MCM9: variants seen among roughly 807,000 people sequenced by gnomAD.
MCM9 encodes minichromosome maintenance 9 homologous recombination repair factor.
A neutral mutation model predicts 72.8 loss-of-function variants in MCM9; 55 were observed. The ratio of observed to expected loss-of-function variants is 0.76; its 90% CI spans 0.61 to 0.95. The LOEUF (loss-of-function observed/expected upper bound fraction) is 0.95. MCM9 is among the 40% of genes least tolerant of loss of function. The probability of loss-of-function intolerance (pLI) is 0.00; values close to 1 mark genes in which losing one functional copy is unlikely to be tolerated. For missense variants in MCM9, 1,279 were observed against 1,377.0 expected (o/e 0.93, Z 1.13); for synonymous variants, 480 against 503.4 (o/e 0.95, Z 0.62).
chr6:118,869,323 T>C (rs1015594741), intron 8 of MCM9, among the ~76,000 whole-genome samples: 2 of 152,070 alleles, frequency 1.3e-5, no homozygotes, highest in Non-Finnish European at 1.5e-5. Flanking sequence ...GATGAGTTGA[T>C]GGGTGCAGCA....
intron 9 of MCM9, among the ~76,000 whole-genome samples, chr6:118,834,019 C>T (rs574083803): frequency 6.6e-6 from 1 of 152,206 alleles, no homozygotes; most frequent in South Asian, 2.1e-4. Context: ...AATGTTATCC[C>T]TCCCCTAGCC....
chr6:118,903,969 T>G (rs1317226387), intron 8 of MCM9, among the ~76,000 whole-genome samples: 3 of 152,110 alleles, frequency 2.0e-5, no homozygotes, highest in African/African-American at 7.3e-5. Context: ...GAGGTATGAA[T>G]GGAGATATTG....
chr6:118,830,341 C>A (rs1774457146), intron 9 of MCM9, among the ~76,000 whole-genome samples: 1 of 152,122 alleles, frequency 6.6e-6, no homozygotes, highest in Non-Finnish European at 1.5e-5. Context: ...TACTTCATTC[C>A]CTGAGGCTGA....
intron 3 of MCM9, among the ~76,000 whole-genome samples, chr6:118,927,277 G>C (rs1233993946): frequency 6.6e-6 from 1 of 152,222 alleles, no homozygotes. Flanking sequence ...TGCCCAATGA[G>C]ATTACAGACT....
chr6:118,900,226 CACTT>C, intron 8 of MCM9, among the ~76,000 whole-genome samples: 1 of 152,258 alleles, frequency 6.6e-6, no homozygotes, highest in South Asian at 2.1e-4. Flanking sequence ...GAGCTGAAGC[CACTT>C]ACTTCTGAGC....
intron 8 of MCM9, among the ~76,000 whole-genome samples, chr6:118,869,838 G>A (rs1051506104): frequency 2.6e-5 from 4 of 152,110 alleles, no homozygotes; most frequent in Middle Eastern, 3.4e-3. Context: ...AACAAAAAAA[G>A]TCTAGGGTAG....
chr6:118,894,149 G>A (rs1779172363), intron 8 of MCM9: 1 of 1,243,754 alleles, frequency 8.0e-7, no homozygotes, highest in Non-Finnish European at 1.0e-6. Context: ...GAGGAGGAGG[G>A]TCAGAACTCG....
chr6:118,914,561 T>C lies in MCM9; in HGVS notation c.905-1141A>G, dbSNP rs1780791139. Among the ~76,000 whole-genome samples, 3 of 152,162 alleles carry C rather than the reference T, an allele frequency of 2.0e-5. No homozygotes were observed. In the South Asian group the frequency reaches 6.2e-4, roughly 32 times the overall value. On this transcript the variant is annotated intron_variant, in intron 6 of 13. Transcript: ENST00000619706. ...AGATTTAGTAAATCCAGGAAGTTCA[T>C]TACTTGCTGAAGGAATCCCTCCCTG...
intron 6 of MCM9, among the ~76,000 whole-genome samples, chr6:118,915,486 C>G (rs1780865787): frequency 1.3e-5 from 2 of 152,162 alleles, no homozygotes; most frequent in African/African-American, 2.4e-5. Flanking sequence ...ATCTAAGCAC[C>G]AGGGTCAAGG....
At chr6:118,900,620 A>G in intron 8 of MCM9, 1 of 632,194 alleles carries the variant, frequency 1.6e-6, no homozygotes, top group Non-Finnish European at 2.8e-6. Flanking sequence ...GAACTTTATA[A>G]GGAGCATTTC....
chr6:118,924,564 A>G (rs1781720313), intron 3 of MCM9, among the ~76,000 whole-genome samples: 1 of 152,206 alleles, frequency 6.6e-6, no homozygotes, highest in Non-Finnish European at 1.5e-5. Flanking sequence ...AAGAGATGGT[A>G]GCATGACGAC....
intron 8 of MCM9, among the ~76,000 whole-genome samples, chr6:118,859,749 A>C (rs1248363335): frequency 6.6e-6 from 1 of 152,198 alleles, no homozygotes; most frequent in African/African-American, 2.4e-5. Flanking sequence ...GAGAGGGAAA[A>C]GGAACCATTT....
intron 8 of MCM9, among the ~76,000 whole-genome samples, chr6:118,896,529 C>T (rs1779431713): frequency 1.3e-5 from 2 of 152,156 alleles, no homozygotes; most frequent in South Asian, 4.1e-4. Context: ...AACTGGGATC[C>T]ATTCAGAACC....
chr6:118,861,046 C>A (rs1776869668), intron 8 of MCM9, among the ~76,000 whole-genome samples: 1 of 152,184 alleles, frequency 6.6e-6, no homozygotes, highest in African/African-American at 2.4e-5. Flanking sequence ...CAATGGCAAG[C>A]CAGGCATGGG....
intron 1 of MCM9, among the ~76,000 whole-genome samples, chr6:118,933,826 A>C (rs1782661145): frequency 6.6e-6 from 1 of 152,144 alleles, no homozygotes; most frequent in Non-Finnish European, 1.5e-5. Context: ...GAATGAGTAA[A>C]TGTATATCCA....
At chr6:118,924,682 C>T (rs1050156474) in intron 3 of MCM9, among the ~76,000 whole-genome samples, 3 of 152,120 alleles carry the variant, frequency 2.0e-5, no homozygotes, top group African/African-American at 7.2e-5. Context: ...GCGGTTTACC[C>T]GCAGCATCAC....
At chr6:118,913,506 C>A in intron 6 of MCM9, 86 bp from the exon 7 acceptor site, 1 of 1,537,624 alleles carries the variant, frequency 6.5e-7, no homozygotes, top group Non-Finnish European at 8.9e-7. Flanking sequence ...TCTGACCATC[C>A]TCATTTAAAT....
intron 8 of MCM9, among the ~76,000 whole-genome samples, chr6:118,883,210 T>C (rs926653521): frequency 2.6e-5 from 4 of 151,714 alleles, no homozygotes; most frequent in African/African-American, 9.7e-5. Flanking sequence ...ATTCACTAGA[T>C]AGCTCAAGAG....
intron 8 of MCM9, chr6:118,900,772 A>C (rs368931626): frequency 6.2e-7 from 1 of 1,610,292 alleles, no homozygotes; most frequent in Non-Finnish European, 8.5e-7. Flanking sequence ...CTAGACTTGG[A>C]ATGGAAAATT....
Sources: allele counts gnomAD v4.1 joint callset (sites outside exome capture counted in the v4.1 genomes callset), GRCh38; gene constraint gnomAD v4.1.1; transcripts MANE v1.5; gene names NCBI Gene and HGNC (gene_info 2026-07-23, HGNC 2026-07-21).